Variants in CACNA2D1 observed in about 807,000 individuals in gnomAD.
CACNA2D1 encodes the protein voltage-dependent calcium channel subunit alpha-2/delta-1.
In CACNA2D1, 53 loss-of-function variants were observed where a neutral mutation model predicts 171.5. The observed-to-expected ratio is 0.31, with a 90% CI of 0.25 to 0.39. The LOEUF is 0.39. CACNA2D1 is among the 10% of genes least tolerant of loss of function. The pLI is 1.00. For missense variants in CACNA2D1, 903 were observed against 1,299.8 expected (o/e 0.69, Z 4.69); for synonymous variants, 442 against 443.1 (o/e 1.00, Z 0.03).
intron 2 of CACNA2D1, among the ~76,000 whole-genome samples, chr7:82,341,569 T>C (rs1380194293): frequency 3.9e-5 from 6 of 152,198 alleles, no homozygotes; most frequent in African/African-American, 1.4e-4. Flanking sequence ...TGTAATCTAC[T>C]AAATAAAAAT....
chr7:82,208,344 T>C (rs1393811981), intron 3 of CACNA2D1, among the ~76,000 whole-genome samples: 1 of 152,180 alleles, frequency 6.6e-6, no homozygotes, highest in African/African-American at 2.4e-5. Flanking sequence ...TCATTAATAG[T>C]TTGTCAGAAA....
intron 1 of CACNA2D1, among the ~76,000 whole-genome samples, chr7:82,410,756 TG>T (rs1428947441): frequency 3.9e-5 from 6 of 152,252 alleles, no homozygotes; most frequent in East Asian, 3.8e-4. Context: ...CTTCTATTTC[TG>T]TCTGTTACGA....
chr7:82,084,407 C>T (rs559002817), intron 7 of CACNA2D1, among the ~76,000 whole-genome samples: 1 of 152,226 alleles, frequency 6.6e-6, no homozygotes, highest in East Asian at 1.9e-4. Context: ...TATAAAAATT[C>T]AATTCAATTC....
chr7:82,299,077 A>AG (rs1812660963), intron 3 of CACNA2D1, among the ~76,000 whole-genome samples: 2 of 149,448 alleles, frequency 1.3e-5, no homozygotes, highest in African/African-American at 2.4e-5. Flanking sequence ...AAAAAAAAAA[A>AG]GTAAAAATAA....
At chr7:82,069,050 C>T (rs184236584) in intron 7 of CACNA2D1, among the ~76,000 whole-genome samples, 1 of 152,048 alleles carries the variant, frequency 6.6e-6, no homozygotes, top group Non-Finnish European at 1.5e-5. Flanking sequence ...GGTAGTATCC[C>T]TTGATTAAAC....
In CACNA2D1 at chr7:82,072,682, T is replaced by C. The variant is rs1019561288; in HGVS notation, c.659-6158A>G. 3.9e-5 allele frequency among the ~76,000 whole-genome samples: 6 copies of C among 151,944 alleles called. No individual in the cohort carries two copies. The East Asian group carries it at 1.2e-3, about 30-fold the overall frequency. On this transcript the variant is annotated intron_variant, in intron 7 of 38. Transcript: ENST00000356860. ...AGTCCATTCTGTTGTCATTTTGAAA[T>C]TGTCTTCCCTGGTTGGACCTAGCCT... is the stretch of plus-strand genomic sequence containing the variant.
At chr7:82,119,298 G>A (rs149288929) in intron 5 of CACNA2D1, among the ~76,000 whole-genome samples, 1 of 152,210 alleles carries the variant, frequency 6.6e-6, no homozygotes, top group Non-Finnish European at 1.5e-5. Flanking sequence ...ATATTCAAAT[G>A]CATTTGATAA....
rs576139922 is a variant in CACNA2D1, at chr7:82,005,506, GAAA to G, written c.1516-12_1516-10del. ...TACCCATTGGGGCACAGCTGGAAAA[GAAA>G]AAAAAAAAAAAGCTTGGATATGCCT... On this transcript the variant is annotated splice_polypyrimidine_tract_variant and intron_variant, in intron 17 of 38. Transcript: ENST00000356860. The G allele has an allele frequency of 2.3e-4, 272 of 1,199,744 alleles. No individual in the cohort carries two copies. Among genetic ancestry groups the G allele is most frequent in the Non-Finnish European group, 2.6e-4 (223 of 867,950 alleles). 74.3% of individuals were successfully genotyped at this position (1,199,744 alleles called of 1,614,324 possible).
intron 4 of CACNA2D1, among the ~76,000 whole-genome samples, chr7:82,154,316 T>A (rs1013887976): frequency 2.6e-5 from 4 of 152,196 alleles, no homozygotes; most frequent in African/African-American, 9.7e-5. Flanking sequence ...AAGAAGTATG[T>A]GAGTTTTGTA....
intron 3 of CACNA2D1, among the ~76,000 whole-genome samples, chr7:82,257,811 AAG>A (rs1585241831): frequency 6.6e-6 from 1 of 152,356 alleles, no homozygotes; most frequent in South Asian, 2.1e-4. Flanking sequence ...TGTAAAGTGA[AAG>A]AGAGAAGAAA....
intron 7 of CACNA2D1, among the ~76,000 whole-genome samples, chr7:82,078,265 C>CT (rs1319406406): frequency 6.6e-6 from 1 of 151,970 alleles, no homozygotes; most frequent in African/African-American, 2.4e-5. Context: ...AGTTTTCTCC[C>CT]TTTTTTAATA....
intron 4 of CACNA2D1, among the ~76,000 whole-genome samples, chr7:82,146,309 T>TAC (rs1218401707): frequency 4.3e-5 from 6 of 138,424 alleles, no homozygotes; most frequent in Non-Finnish European, 8.1e-5. Flanking sequence ...CATATATATA[T>TAC]ACGTGTGTGT....
At chr7:82,151,017 T>G (rs1164545116) in intron 4 of CACNA2D1, among the ~76,000 whole-genome samples, 1 of 152,188 alleles carries the variant, frequency 6.6e-6, no homozygotes, top group East Asian at 1.9e-4. Context: ...AACTGTTTAC[T>G]GATTCAGAGA....
intron 25 of CACNA2D1, among the ~76,000 whole-genome samples, chr7:81,972,718 C>T (rs1229506): frequency 1.1e-4 from 16 of 151,722 alleles, no homozygotes; most frequent in Admixed American, 7.9e-4. Context: ...CTCTGAAATA[C>T]CCTAACAGGT....
chr7:82,071,452 T>C (rs762684350), intron 7 of CACNA2D1, among the ~76,000 whole-genome samples: 13 of 152,126 alleles, frequency 8.5e-5, no homozygotes, highest in Non-Finnish European at 4.4e-5. Context: ...GAATATTATA[T>C]ATTTGGGCAG....
intron 1 of CACNA2D1, among the ~76,000 whole-genome samples, chr7:82,426,189 T>TA: frequency 6.7e-6 from 1 of 149,282 alleles, no homozygotes; most frequent in African/African-American, 2.5e-5. Flanking sequence ...ATACATAAAT[T>TA]CTATTTGGTT....
At chr7:82,092,773 T>TAAAAA (rs1469693223) in intron 6 of CACNA2D1, among the ~76,000 whole-genome samples, 1 of 151,900 alleles carries the variant, frequency 6.6e-6, no homozygotes, top group African/African-American at 2.4e-5. Context: ...ATTCTATATT[T>TAAAAA]TAGAGTAATA....
Position 81,968,970 on chromosome 7 carries a change from C to A in CACNA2D1, c.2312G>T (p.Ser771Ile). Residue 771 changes from serine (S) to isoleucine (I), a missense_variant, in exon 29 of 39, where the codon AGT becomes ATT. Physicochemically the swap from Ser to Ile is moderately radical, Grantham distance 142. Coordinates refer to ENST00000356860, the MANE Select transcript of CACNA2D1 (RefSeq NM_000722.4). ...GCCCGATTCATAGGCACCAGGTCCA[C>A]TTTCTAAAAAAAAAATAAATAAATA... ...YVFTAPYFNK[S>I]GPGAYESGIM... 1 of 1,545,290 alleles carries A rather than the reference C, an allele frequency of 6.5e-7. No individual in the cohort carries two copies. The highest frequency in any genetic ancestry group is 8.9e-7 in the Non-Finnish European group (1 of 1,121,592).
chr7:82,067,769 T>C (rs1406578557), intron 7 of CACNA2D1, among the ~76,000 whole-genome samples: 1 of 152,162 alleles, frequency 6.6e-6, no homozygotes, highest in East Asian at 1.9e-4. Context: ...GTAACAAGCA[T>C]GCTGATACAC....
Sources: gnomAD v4.1 joint callset for allele counts (sites outside exome capture counted in the v4.1 genomes callset) on GRCh38, gnomAD v4.1.1 for gene constraint, MANE v1.5 for transcripts, NCBI Gene and HGNC (gene_info 2026-07-23, HGNC 2026-07-21) for gene names.